The following NAA30 variants were observed in gnomAD, a reference collection of about 807,000 sequenced individuals.
The protein encoded by NAA30 is N-alpha-acetyltransferase 30, NatC catalytic subunit.
Under a neutral mutation model 31.4 loss-of-function variants are expected in NAA30, and 5 were observed. That is an observed-to-expected ratio of 0.16 (90% CI 0.08 to 0.33). The LOEUF is 0.33. NAA30 is among the 10% of genes least tolerant of loss of function. NAA30 has a pLI of 1.00. For missense variants in NAA30, 428 were observed against 490.8 expected (o/e 0.87, Z 1.21); for synonymous variants, 222 against 207.1 (o/e 1.07, Z -0.62).
At chr14:57,405,421 G>GTGTA (rs1555338107) in intron 4 of NAA30, among the ~76,000 whole-genome samples, 7 of 149,102 alleles carry the variant, frequency 4.7e-5, no homozygotes, top group Non-Finnish European at 8.9e-5. Flanking sequence ...ATATATATGT[G>GTGTA]TATATATATA....
Position 57,391,383 on chromosome 14 carries a change from C to T in NAA30, c.426C>T (p.Leu142=), listed in dbSNP as rs537688680. 10 of 1,610,254 alleles carry T rather than the reference C, an allele frequency of 6.2e-6. No individual in the cohort carries two copies. The highest frequency in any genetic ancestry group is 8.5e-6 in the Non-Finnish European group (10 of 1,178,676). Residue 142 remains leucine, a synonymous_variant, in exon 2 of 5, where the codon CTC becomes CTT. Transcript: ENST00000556492. This position sits in a 1 kb window ranked among gnomAD's most constrained non-coding sequence, Gnocchi z 4.1. ...VHSGERPPHS[L]SSNARTAVPS... ...CGGGCGAGAGGCCCCCTCACTCCCTCTCTAGTAATGCAAGAACTGCGGTCC... is the reference window on the plus strand; with the variant it reads ...CGGGCGAGAGGCCCCCTCACTCCCTTTCTAGTAATGCAAGAACTGCGGTCC...
chr14:57,402,953 G>A (rs1221889837), intron 4 of NAA30, among the ~76,000 whole-genome samples: 1 of 152,216 alleles, frequency 6.6e-6, no homozygotes, highest in Non-Finnish European at 1.5e-5. Flanking sequence ...GTCCAAGGCT[G>A]GCGGATCACT....
chr14:57,394,622 T>C (rs1482351671), intron 2 of NAA30, among the ~76,000 whole-genome samples: 1 of 152,164 alleles, frequency 6.6e-6, no homozygotes, highest in Non-Finnish European at 1.5e-5. Context: ...TATATTGGGC[T>C]TTTTAGATGA....
chr14:57,399,708 G>T, intron 3 of NAA30, 120 bp from the exon 4 acceptor site: 1 of 680,358 alleles, frequency 1.5e-6, no homozygotes. Context: ...GAGGTAATCC[G>T]TGTATCTGGA....
At chr14:57,401,677 C>G (rs2066477930) in intron 4 of NAA30, among the ~76,000 whole-genome samples, 1 of 152,194 alleles carries the variant, frequency 6.6e-6, no homozygotes, top group Admixed American at 6.5e-5. Context: ...GTATTATGTT[C>G]CCTATGATTA....
At position 57,391,047 on chromosome 14, in the gene NAA30, G is replaced by A. The variant is rs774835438; in HGVS notation, c.90G>A (p.Pro30=). ...PAAVEPRCPF[P]AGAALACCSE... ...CGGTCGAGCCCCGCTGTCCCTTCCC[G>A]GCGGGGGCCGCCCTCGCCTGCTGCA... is the stretch of plus-strand genomic sequence containing the variant. Residue 30 remains proline (P), a synonymous_variant, in exon 2 of 5, where the codon CCG becomes CCA. Coordinates refer to ENST00000556492, the MANE Select transcript of NAA30 (RefSeq NM_001011713.3). The surrounding 1 kb of genome is among the most constrained non-coding windows in gnomAD (Gnocchi z 4.1). The A allele has an allele frequency of 6.6e-7, 1 of 1,510,190 alleles. No homozygotes were observed. Among genetic ancestry groups the A allele is most frequent in the South Asian group, 1.3e-5 (1 of 74,408 alleles). The allele number at this position is 1,510,190 out of a possible 1,614,324, so 93.5% of individuals were successfully genotyped here.
intron 2 of NAA30, among the ~76,000 whole-genome samples, chr14:57,395,323 G>A (rs1171936619): frequency 6.6e-6 from 1 of 152,054 alleles, no homozygotes; most frequent in Non-Finnish European, 1.5e-5. Flanking sequence ...TTAAAAAAAG[G>A]CCTTTTAATC....
intron 3 of NAA30, among the ~76,000 whole-genome samples, 184 bp downstream of exon 3, chr14:57,397,059 C>T (rs962072636): frequency 4.1e-4 from 63 of 151,942 alleles, no homozygotes; most frequent in Non-Finnish European, 6.5e-4. Context: ...TGAATTTTTT[C>T]TTTATTAATG....
intron 4 of NAA30, among the ~76,000 whole-genome samples, chr14:57,404,866 C>T (rs1261501924): frequency 2.0e-5 from 3 of 152,170 alleles, no homozygotes; most frequent in African/African-American, 7.2e-5. Flanking sequence ...GAGACTCCCA[C>T]CAAGTCCCTC....
Position 57,411,685 on chromosome 14 carries a change from A to G in NAA30, c.*2169A>G, listed in dbSNP as rs953601589. On this transcript the variant is annotated 3_prime_UTR_variant, in exon 5 of 5. Transcript: ENST00000556492. ...GTGACTAAAAAGTCAGATGGTTGCC[A>G]TATTGTTTGGAATATGTTGAATGTC... The G allele has an allele frequency of 2.0e-5, 3 of 152,196 alleles. No homozygotes were observed. The highest frequency in any genetic ancestry group is 1.3e-4 in the Admixed American group (2 of 15,282). The allele number at this position is 152,196 out of a possible 1,614,324, so 9.4% of individuals were successfully genotyped here. A position where few individuals can be genotyped will look rare whatever the true frequency, so the allele number is the denominator to read the frequency against.
At chr14:57,403,234 GA>G (rs11406655) in intron 4 of NAA30, among the ~76,000 whole-genome samples, 102 of 136,466 alleles carry the variant, frequency 7.5e-4, no homozygotes, top group African/African-American at 2.0e-3. Flanking sequence ...TCCGTGGCCG[GA>G]AAAAAAAAAA....
In NAA30 at chr14:57,406,923, C is replaced by T. The variant is rs1039718482; in HGVS notation, c.952-2456C>T. Among the ~76,000 whole-genome samples the T allele has an allele frequency of 5.3e-5, 8 of 152,182 alleles. 1 individual carries two copies. The highest frequency in any genetic ancestry group is 4.1e-4 in the South Asian group (2 of 4,820). On this transcript the variant is annotated intron_variant, in intron 4 of 4. Transcript: ENST00000556492. ...TAATTTGTTTTTTGAGACAGAGTCT[C>T]GCTCTGTCACCCAGGCTAGAGTGCA...
rs552625065 is a variant in NAA30, at chr14:57,408,180, C to A, written c.952-1199C>A. Among the ~76,000 whole-genome samples, 8 of 152,248 alleles carry A rather than the reference C, an allele frequency of 5.3e-5. No homozygotes were observed. In the South Asian group the frequency reaches 1.7e-3, roughly 32 times the overall value. ...GGAAGAGACTTATGCTTCACTTGGG[C>A]CTTTGTTTAATTATACTTTGCCATT... On this transcript the variant is annotated intron_variant, in intron 4 of 4. Coordinates refer to ENST00000556492, the MANE Select transcript of NAA30 (RefSeq NM_001011713.3).
rs753922685 is a variant in NAA30, at chr14:57,391,467, C to G, written c.510C>G (p.Ala170=). 34 of 1,611,260 alleles carry G rather than the reference C, an allele frequency of 2.1e-5. No homozygotes were observed. Among genetic ancestry groups the G allele is most frequent in the Non-Finnish European group, 2.7e-5 (32 of 1,179,008 alleles). ...SDPAAARNGL[A]EGTEQEEEEE... Reference sequence around the variant, plus strand: ...CCGCGGCGGCCCGCAATGGACTGGCCGAGGGCACCGAGCAGGAGGAGGAGG... The same window carrying G: ...CCGCGGCGGCCCGCAATGGACTGGCGGAGGGCACCGAGCAGGAGGAGGAGG... Residue 170 remains alanine, a synonymous_variant, in exon 2 of 5, where the codon GCC becomes GCG. Coordinates refer to ENST00000556492, the MANE Select transcript of NAA30 (RefSeq NM_001011713.3). This position sits in a 1 kb window ranked among gnomAD's most constrained non-coding sequence, Gnocchi z 4.1.
intron 2 of NAA30, among the ~76,000 whole-genome samples, chr14:57,392,862 T>A (rs2066435858): frequency 6.6e-6 from 1 of 152,222 alleles, no homozygotes; most frequent in East Asian, 1.9e-4. Flanking sequence ...ACCTGGGTAT[T>A]GTAGATAATG....
chr14:57,404,199 G>A (rs2066489298), intron 4 of NAA30, among the ~76,000 whole-genome samples: 1 of 152,110 alleles, frequency 6.6e-6, no homozygotes, highest in Admixed American at 6.5e-5. Context: ...GTGCGTGCCT[G>A]TAATCCCAGC....
chr14:57,399,981 G>A (rs45628839), intron 4 of NAA30, 98 bp downstream of exon 4: 10,291 of 629,774 alleles, frequency 0.016, 105 homozygotes, highest in Non-Finnish European at 0.018. Flanking sequence ...TTTCATTGCA[G>A]TGTTACTATA....
Position 57,396,679 on chromosome 14 carries a change from T to G in NAA30, c.772-73T>G, listed in dbSNP as rs1029684988. ...TCGAAAATGCTTACCAATGGTTGGT[T>G]GTTGTTTTCTCTGGATAATTGTGCA... is the stretch of plus-strand genomic sequence containing the variant. On this transcript the variant is annotated intron_variant, in intron 2 of 4. Coordinates refer to ENST00000556492, the MANE Select transcript of NAA30 (RefSeq NM_001011713.3). 22 of 1,515,954 alleles carry G rather than the reference T, an allele frequency of 1.5e-5. No homozygotes were observed. The African/African-American group carries it at 1.8e-4, about 12-fold the overall frequency. The allele number at this position is 1,515,954 out of a possible 1,614,324, so 93.9% of individuals were successfully genotyped here. A position where few individuals can be genotyped will look rare whatever the true frequency, so the allele number is the denominator to read the frequency against.
intron 2 of NAA30, among the ~76,000 whole-genome samples, chr14:57,394,413 G>A (rs2066442368): frequency 6.6e-6 from 1 of 151,906 alleles, no homozygotes; most frequent in Admixed American, 6.6e-5. Flanking sequence ...TAATCTTGCC[G>A]GGGATTTTTC....
Sources: allele counts gnomAD v4.1 joint callset (sites outside exome capture counted in the v4.1 genomes callset), GRCh38; gene constraint gnomAD v4.1.1; non-coding constraint Gnocchi (gnomAD v3.1); transcripts MANE v1.5; gene names NCBI Gene and HGNC (gene_info 2026-07-23, HGNC 2026-07-21).